CEACAM3: variants seen among roughly 807,000 people sequenced by gnomAD.
The protein encoded by CEACAM3 is cell adhesion molecule CEACAM3.
CEACAM3 carries 32 observed loss-of-function variants against 30.1 expected under a neutral mutation model. That is an observed-to-expected ratio of 1.06 (90% confidence interval 0.80 to 1.43). CEACAM3 has a LOEUF of 1.43. Ranked by LOEUF, CEACAM3 falls within the 40% of genes most tolerant of loss-of-function variation. The probability of loss-of-function intolerance (pLI) is 0.00; values close to 1 mark genes in which losing one functional copy is unlikely to be tolerated. For missense variants in CEACAM3, 290 were observed against 316.3 expected (o/e 0.92, Z 0.63); for synonymous variants, 134 against 127.2 (o/e 1.05, Z -0.36).
chr19:41,805,790 C>T (rs2073193676), intron 2 of CEACAM3, among the ~76,000 whole-genome samples: 2 of 152,360 alleles, frequency 1.3e-5, no homozygotes, highest in South Asian at 4.1e-4. Flanking sequence ...TTGCCAGCAG[C>T]TTCATGCTCC....
rs782055012 is a variant in CEACAM3 at position 41,810,002 on chromosome 19, C to T, written c.580C>T (p.Gln194Ter). The T allele has an allele frequency of 1.2e-6, 2 of 1,613,958 alleles. No homozygotes were observed. Among genetic ancestry groups the T allele is most frequent in the African/African-American group, 1.3e-5 (1 of 75,016 alleles). The change falls in exon 4 of 7, where the codon CAA becomes TAA. Residue 194 changes from glutamine to a stop codon, truncating the protein, a stop_gained. Coordinates refer to ENST00000357396, the MANE Select transcript of CEACAM3 (RefSeq NM_001815.5). LOFTEE classifies it high-confidence loss of function. ...GCGTGACCTCAAGGAGCAGCAGCCC[C>T]AAGCCCTTGCCCCTGGTGAGTGTCC... Reference protein sequence around the residue: ...IQRDLKEQQPQALAPGRGPSH... With the variant: ...IQRDLKEQQP
chr19:41,807,874 A>C (rs1193674861), intron 2 of CEACAM3, among the ~76,000 whole-genome samples: 1 of 152,172 alleles, frequency 6.6e-6, no homozygotes, highest in African/African-American at 2.4e-5. Context: ...CCACCTGCAC[A>C]GTACTCCTGG....
At chr19:41,803,701 C>CCTGTAGTGGGTA (rs1600518389) in intron 2 of CEACAM3, among the ~76,000 whole-genome samples, 1 of 116,604 alleles carries the variant, frequency 8.6e-6, no homozygotes, top group South Asian at 3.3e-4. Flanking sequence ...CTCCCAACCT[C>CCTGTAGTGGGTA]ATGATCTGCC....
Position 41,809,825 on chromosome 19 carries a change from C to T in CEACAM3, c.543-140C>T, listed in dbSNP as rs181101765. ...TTCCTCAACTCCCCTCTGCTGGGCT[C>T]CCCCTAACACAAACCTGAGGGAGAC... is the stretch of plus-strand genomic sequence containing the variant. On this transcript the variant is annotated intron_variant, in intron 3 of 6. Transcript: ENST00000357396. The T allele has an allele frequency of 2.4e-5, 19 of 780,790 alleles. No individual in the cohort carries two copies. The African/African-American group carries it at 2.6e-4, about 11-fold the overall frequency. 48.4% of individuals were successfully genotyped at this position (780,790 alleles called of 1,614,324 possible). A position where few individuals can be genotyped will look rare whatever the true frequency, so the allele number is the denominator to read the frequency against.
Position 41,808,891 on chromosome 19 carries a change from C to G in CEACAM3, c.503C>G (p.Ala168Gly). 6.2e-7 allele frequency: 1 copy of G among 1,607,404 alleles called. No individual in the cohort carries two copies. Among genetic ancestry groups the G allele is most frequent in the Non-Finnish European group, 8.5e-7 (1 of 1,176,884 alleles). ...GTCCTGGTCGGAGTGGCGCTGGTGG[C>G]CGCGCTGGTGTGTTTCCTGCTCCTT... ...TGVLVGVALV[A>G]ALVCFLLLAK... Residue 168 changes from alanine (A) to glycine (G), a missense_variant, in exon 3 of 7, where the codon GCC (alanine) becomes GGC (glycine). Coordinates refer to ENST00000357396, the MANE Select transcript of CEACAM3 (RefSeq NM_001815.5).
At chr19:41,808,996 C>T in intron 3 of CEACAM3, 66 bp downstream of exon 3, 2 of 1,203,534 alleles carry the variant, frequency 1.7e-6, no homozygotes, top group South Asian at 1.5e-5. Context: ...AGAAAGGAGA[C>T]CTTGTCCTGT....
chr19:41,806,593 G>C (rs1269203915), intron 2 of CEACAM3, among the ~76,000 whole-genome samples: 4 of 152,178 alleles, frequency 2.6e-5, no homozygotes, highest in Non-Finnish European at 5.9e-5. Context: ...CAGGCAGGCA[G>C]CCTCACAGTC....
At chr19:41,799,351 G>A (rs1283186112) in intron 2 of CEACAM3, among the ~76,000 whole-genome samples, 2 of 152,044 alleles carry the variant, frequency 1.3e-5, no homozygotes, top group Non-Finnish European at 2.9e-5. Context: ...TTTGCCACAT[G>A]ACACCACCTG....
chr19:41,799,708 AC>A (rs2073130963), intron 2 of CEACAM3, among the ~76,000 whole-genome samples: 1 of 152,120 alleles, frequency 6.6e-6, no homozygotes, highest in Non-Finnish European at 1.5e-5. Flanking sequence ...CACACCCTGC[AC>A]CAGCGCAGGG....
At chr19:41,807,357 G>A (rs1308169342) in intron 2 of CEACAM3, 17 of 1,605,844 alleles carry the variant, frequency 1.1e-5, no homozygotes, top group Non-Finnish European at 1.3e-5. Flanking sequence ...GTGGGTGCCA[G>A]CTACAGTGAC....
intron 3 of CEACAM3, chr19:41,809,742 G>T: frequency 2.0e-6 from 1 of 502,678 alleles, no homozygotes; most frequent in Non-Finnish European, 3.6e-6. Flanking sequence ...CTCCTGGCCC[G>T]GCATCTGCCT....
At chr19:41,809,916 T>A (rs782053885) in intron 3 of CEACAM3, 49 bp from the exon 4 acceptor site, 7 of 1,599,720 alleles carry the variant, frequency 4.4e-6, no homozygotes, top group South Asian at 2.2e-5. Flanking sequence ...AACTCCAAAG[T>A]TGTGGCTTTT....
chr19:41,798,685 G>A (rs562226181), intron 2 of CEACAM3, among the ~76,000 whole-genome samples: 1 of 152,358 alleles, frequency 6.6e-6, no homozygotes, highest in African/African-American at 2.4e-5. Flanking sequence ...GCTCCCAGCA[G>A]CTCCTTTTCC....
At position 41,810,066 on chromosome 19, in the gene CEACAM3, CCA is replaced by C. The variant is rs566946565; in HGVS notation, c.595+52_595+53del. On this transcript the variant is annotated intron_variant, in intron 4 of 6. Transcript: ENST00000357396. ...GTGGCTGGGAACCCCTAGGACAGCC[CCA>C]CAGTGTCCGCTCCTGCCAGTCACTG... The C allele has an allele frequency of 1.2e-4, 184 of 1,555,468 alleles. 1 individual carries two copies. In the African/African-American group the frequency reaches 2.2e-3, roughly 18 times the overall value.
At chr19:41,798,041 C>A in intron 2 of CEACAM3, 93 bp downstream of exon 2, 1 of 1,525,724 alleles carries the variant, frequency 6.6e-7, no homozygotes, top group South Asian at 1.3e-5. Flanking sequence ...GTGGCCCTCT[C>A]TGCATTACAT....
chr19:41,802,437 T>A (rs2073158360), intron 2 of CEACAM3, among the ~76,000 whole-genome samples: 1 of 152,182 alleles, frequency 6.6e-6, no homozygotes, highest in South Asian at 2.1e-4. Flanking sequence ...CAGGCAAAGA[T>A]GGAGCAGCAC....
chr19:41,810,133 G>T (rs937889615), intron 4 of CEACAM3, 116 bp downstream of exon 4: 4 of 1,325,162 alleles, frequency 3.0e-6, no homozygotes, highest in Non-Finnish European at 4.3e-6. Flanking sequence ...CTGCAAGGAG[G>T]ATCTCATAAA....
At chr19:41,806,840 C>T (rs1388282374) in intron 2 of CEACAM3, among the ~76,000 whole-genome samples, 1 of 152,168 alleles carries the variant, frequency 6.6e-6, no homozygotes, top group Non-Finnish European at 1.5e-5. Flanking sequence ...GCGCCTGCCA[C>T]CATGCCTGGC....
chr19:41,798,746 T>C (rs979797509), intron 2 of CEACAM3, among the ~76,000 whole-genome samples: 1 of 152,220 alleles, frequency 6.6e-6, no homozygotes, highest in African/African-American at 2.4e-5. Context: ...TAAGCATAGA[T>C]GCTGTTCCTT....
Sources: allele counts gnomAD v4.1 joint callset (sites outside exome capture counted in the v4.1 genomes callset), GRCh38; gene constraint gnomAD v4.1.1; transcripts MANE v1.5; gene names NCBI Gene and HGNC (gene_info 2026-07-23, HGNC 2026-07-21).